Variants in EDARADD observed in about 807,000 individuals in gnomAD.
EDARADD encodes EDAR associated via death domain, also known as ectodysplasin-A receptor-associated adapter protein.
EDARADD carries 20 observed loss-of-function variants against 25.6 expected under a neutral mutation model. The ratio of observed to expected loss-of-function variants is 0.78; its 90% CI spans 0.55 to 1.14. The LOEUF is 1.14. Ranked by LOEUF, EDARADD falls within the 50% of genes most tolerant of loss-of-function variation. The probability of loss-of-function intolerance (pLI) is 0.00; values close to 1 mark genes in which losing one functional copy is unlikely to be tolerated. For synonymous variants in EDARADD, 86 were observed against 94.4 expected, an observed-to-expected ratio of 0.91 and a Z score of 0.52; for missense variants, 225 against 270.1, an observed-to-expected ratio of 0.83 and a Z score of 1.17.
At position 236,394,469 on chromosome 1, in the gene EDARADD, A is replaced by G. The variant is rs748205202; in HGVS notation, c.25A>G (p.Met9Val). The G allele has an allele frequency of 1.2e-6, 2 of 1,614,142 alleles. No individual in the cohort carries two copies. The highest frequency in any genetic ancestry group is 1.7e-6 in the Non-Finnish European group (2 of 1,180,032). MGLRTTKQMGRGTKAPGHQ... is the reference protein window; with the variant it reads MGLRTTKQVGRGTKAPGHQ... Reference sequence around the variant, plus strand: ...CATGGGCCTCAGGACGACTAAACAGATGGGGAGAGGCACTAAAGCTCCTGG... The same window carrying G: ...CATGGGCCTCAGGACGACTAAACAGGTGGGGAGAGGCACTAAAGCTCCTGG... The change falls in exon 1 of 6, where the codon ATG becomes GTG. Residue 9 changes from methionine (M) to valine (V), a missense_variant. By Grantham distance (21) the Met-to-Val change is conservative (BLOSUM62 1). Transcript: ENST00000334232.
intron 2 of EDARADD, among the ~76,000 whole-genome samples, chr1:236,413,210 C>T (rs1400041791): frequency 1.3e-5 from 2 of 152,204 alleles, no homozygotes; most frequent in African/African-American, 4.8e-5. Flanking sequence ...GTTTGTGTTC[C>T]TCGGTCTTGG....
chr1:236,429,638 G>A (rs1377258815), intron 4 of EDARADD, among the ~76,000 whole-genome samples: 1 of 151,818 alleles, frequency 6.6e-6, no homozygotes, highest in Non-Finnish European at 1.5e-5. Flanking sequence ...GTCCACCTAG[G>A]CCTCCCAAAG....
intron 3 of EDARADD, among the ~76,000 whole-genome samples, chr1:236,420,535 A>G (rs1448573947): frequency 6.6e-6 from 1 of 152,248 alleles, no homozygotes; most frequent in Non-Finnish European, 1.5e-5. Flanking sequence ...TCATATGGAA[A>G]GATGTTAAAT....
chr1:236,458,485 A>T (rs1287715158), intron 4 of EDARADD, among the ~76,000 whole-genome samples: 1 of 152,196 alleles, frequency 6.6e-6, no homozygotes, highest in Admixed American at 6.5e-5. Context: ...AAGTACCTAG[A>T]TTGTAACCAG....
chr1:236,476,117 G>T (rs1659496059), intron 5 of EDARADD, among the ~76,000 whole-genome samples: 1 of 151,866 alleles, frequency 6.6e-6, no homozygotes. Flanking sequence ...GCTGGAACCT[G>T]GTAGGCAGAG....
chr1:236,353,885 A>C (rs576298986), intron 3 of EDARADD, among the ~76,000 whole-genome samples: 2 of 152,228 alleles, frequency 1.3e-5, no homozygotes, highest in Non-Finnish European at 1.5e-5. Context: ...TTCCTTAAAA[A>C]AAAAGTTTTT....
chr1:236,361,903 C>A (rs978083902), intron 3 of EDARADD, among the ~76,000 whole-genome samples: 2 of 151,704 alleles, frequency 1.3e-5, no homozygotes, highest in Admixed American at 1.3e-4. Context: ...TATATGCTTT[C>A]TTTTATCTTA....
At position 236,409,243 on chromosome 1, in the gene EDARADD, A is replaced by T; in HGVS notation, c.89A>T (p.Asp30Val). 1 of 1,613,402 alleles carries T rather than the reference A, an allele frequency of 6.2e-7. No individual in the cohort carries two copies. Among genetic ancestry groups the T allele is most frequent in the Non-Finnish European group, 8.5e-7 (1 of 1,179,490 alleles). The change falls in exon 2 of 6, where the codon GAC (aspartate) becomes GTC (valine). Residue 30 changes from aspartate to valine, a missense_variant. Transcript: ENST00000334232. ...CATATGGTAAAGGAACCAGTGGAAG[A>T]CACAGACCCTAGCACTTTATCCTTT... ...EDHMVKEPVE[D>V]TDPSTLSFNM...
Position 236,483,967 on chromosome 1 carries a change from C to G in EDARADD, c.*1318C>G, listed in dbSNP as rs537425556. ...GAATTCAAGTTTCTCGACGACCCCA[C>G]CAGGTACATCTCACCTGACTGTCTG... On this transcript the variant is annotated 3_prime_UTR_variant, in exon 6 of 6. Transcript: ENST00000334232. 1.5e-6 allele frequency: 2 copies of G among 1,361,620 alleles called. No individual in the cohort carries two copies. The highest frequency in any genetic ancestry group is 2.1e-6 in the Non-Finnish European group (2 of 952,392). 84.3% of individuals were successfully genotyped at this position (1,361,620 alleles called of 1,614,324 possible).
intron 4 of EDARADD, among the ~76,000 whole-genome samples, chr1:236,428,755 A>C (rs947237904): frequency 1.3e-5 from 2 of 149,950 alleles, no homozygotes; most frequent in Non-Finnish European, 3.0e-5. Flanking sequence ...AGAGGCTGCA[A>C]TCTCGGCACT....
At chr1:236,393,044 G>A (rs60036159), upstream of EDARADD, among the ~76,000 whole-genome samples, 2,266 of 152,224 alleles carry the variant, frequency 0.015, 44 homozygotes, top group African/African-American at 0.05. Context: ...CTTGGCCTCC[G>A]AAAGTGCTGA....
At chr1:236,449,332 AG>A (rs1658646878) in intron 4 of EDARADD, among the ~76,000 whole-genome samples, 1 of 152,234 alleles carries the variant, frequency 6.6e-6, no homozygotes, top group African/African-American at 2.4e-5. Flanking sequence ...GGGATTTTGC[AG>A]GGGACACAAT....
chr1:236,425,009 G>A (rs1003181271), intron 3 of EDARADD, among the ~76,000 whole-genome samples: 6 of 152,128 alleles, frequency 3.9e-5, no homozygotes, highest in Non-Finnish European at 7.4e-5. Flanking sequence ...GGGAGGTTAC[G>A]AGCAAAGTGT....
intron 4 of EDARADD, among the ~76,000 whole-genome samples, chr1:236,428,370 C>T (rs1485464749): frequency 1.3e-5 from 2 of 152,220 alleles, no homozygotes; most frequent in Non-Finnish European, 1.5e-5. Context: ...ATGTCTACTT[C>T]TTTCCACACA....
At chr1:236,472,895 G>T (rs1464072129) in intron 5 of EDARADD, among the ~76,000 whole-genome samples, 3 of 152,052 alleles carry the variant, frequency 2.0e-5, no homozygotes, top group African/African-American at 7.3e-5. Context: ...ATGGTACACG[G>T]TGTCCTCTCC....
At chr1:236,369,223 C>T (rs657803) in intron 3 of EDARADD, among the ~76,000 whole-genome samples, 69,415 of 152,040 alleles carry the variant, frequency 0.46, 16,775 homozygotes, top group East Asian at 0.81. Context: ...ATCAGTTTGT[C>T]GATATCCACA....
chr1:236,418,346 G>T (rs1184605624), intron 3 of EDARADD, among the ~76,000 whole-genome samples: 1 of 151,606 alleles, frequency 6.6e-6, no homozygotes, highest in Non-Finnish European at 1.5e-5. Flanking sequence ...CCAGGCTCAA[G>T]CAATTCTCTC....
upstream of EDARADD, among the ~76,000 whole-genome samples, chr1:236,389,880 ACATCTGTAGTCC>A (rs558834411): frequency 2.5e-4 from 38 of 152,150 alleles, no homozygotes; most frequent in African/African-American, 8.7e-4. Flanking sequence ...GTGGTGGGGT[ACATCTGTAGTCC>A]CAGACACTCA....
intron 2 of EDARADD, among the ~76,000 whole-genome samples, chr1:236,411,853 C>T (rs933680121): frequency 4.6e-5 from 7 of 152,092 alleles, no homozygotes; most frequent in Admixed American, 3.3e-4. Flanking sequence ...GCCTGGCCCT[C>T]GTCTCTTCTT....
Sources: allele counts gnomAD v4.1 joint callset (sites outside exome capture counted in the v4.1 genomes callset), GRCh38; gene constraint gnomAD v4.1.1; transcripts MANE v1.5; gene names NCBI Gene and HGNC (gene_info 2026-07-23, HGNC 2026-07-21).